Variants in STAG1 observed in about 807,000 individuals in gnomAD.
STAG1 encodes the protein cohesin subunit SA-1.
A neutral mutation model predicts 170.9 loss-of-function variants in STAG1; 26 were observed. The ratio of observed to expected loss-of-function variants is 0.15; its 90% confidence interval spans 0.11 to 0.21. STAG1 has a LOEUF of 0.21. STAG1 is among the 10% of genes least tolerant of loss of function. The pLI is 1.00. For synonymous variants in STAG1, 514 were observed against 497.7 expected (o/e 1.03, Z -0.44); for missense variants, 964 against 1,509.5 (o/e 0.64, Z 5.99).
intron 1 of STAG1, among the ~76,000 whole-genome samples, chr3:136,656,906 G>A (rs529988033): frequency 6.6e-6 from 1 of 151,796 alleles, no homozygotes; most frequent in Non-Finnish European, 1.5e-5. Context: ...CTTTAGTTCA[G>A]CAATTCCTCT....
At chr3:136,486,472 A>G (rs961181038) in intron 9 of STAG1, among the ~76,000 whole-genome samples, 8 of 152,258 alleles carry the variant, frequency 5.3e-5, no homozygotes, top group Non-Finnish European at 1.2e-4. Context: ...ATATATCTAT[A>G]AAACATCCAA....
chr3:136,553,718 G>C (rs1316391148), intron 5 of STAG1, among the ~76,000 whole-genome samples: 1 of 152,260 alleles, frequency 6.6e-6, no homozygotes, highest in Admixed American at 6.5e-5. Flanking sequence ...AGATTGCCGT[G>C]AGCCAAGATC....
intron 28 of STAG1, among the ~76,000 whole-genome samples, chr3:136,350,139 CA>C (rs542153408): frequency 5.5e-4 from 78 of 141,632 alleles, no homozygotes; most frequent in Admixed American, 2.4e-3. Context: ...AGACTCCATT[CA>C]AAAAAAAAAA....
At position 136,382,823 on chromosome 3, in the gene STAG1, A is replaced by G. The variant is rs1054877305; in HGVS notation, c.2278-5071T>C. Among the ~76,000 whole-genome samples, 44 of 152,376 alleles carry G rather than the reference A, an allele frequency of 2.9e-4. 1 individual carries two copies. Among genetic ancestry groups the G allele is most frequent in the African/African-American group, 1.0e-3 (43 of 41,586 alleles). ...AAACTAAATATTATTTGAGTGCTCA[A>G]GAAAGTTAATTTAATTGTAACTATA... is the stretch of plus-strand genomic sequence containing the variant. On this transcript the variant is annotated intron_variant, in intron 22 of 33. Coordinates refer to ENST00000383202, the MANE Select transcript of STAG1 (RefSeq NM_005862.3).
chr3:136,598,501 A>C (rs1938526788), intron 4 of STAG1, among the ~76,000 whole-genome samples: 2 of 149,898 alleles, frequency 1.3e-5, no homozygotes, highest in Non-Finnish European at 2.9e-5. Context: ...ATCTCGGCTC[A>C]CTGCAAGCTC....
intron 1 of STAG1, among the ~76,000 whole-genome samples, chr3:136,689,088 A>C (rs2107895137): frequency 6.6e-6 from 1 of 152,352 alleles, no homozygotes; most frequent in South Asian, 2.1e-4. Context: ...ACTTTACAAA[A>C]CACTATGAAC....
At chr3:136,730,699 G>A (rs755186174) in intron 1 of STAG1, among the ~76,000 whole-genome samples, 2 of 152,216 alleles carry the variant, frequency 1.3e-5, no homozygotes, top group Non-Finnish European at 1.5e-5. Context: ...AAGCTGTCAG[G>A]TAATTCTAAG....
intron 6 of STAG1, among the ~76,000 whole-genome samples, chr3:136,537,567 C>G (rs988170360): frequency 2.1e-5 from 3 of 143,948 alleles, no homozygotes; most frequent in Non-Finnish European, 3.0e-5. Flanking sequence ...GTGGCGTGAT[C>G]TCGGTTCACT....
intron 6 of STAG1, among the ~76,000 whole-genome samples, chr3:136,532,128 T>TA (rs915989633): frequency 2.6e-5 from 4 of 151,104 alleles, no homozygotes; most frequent in Non-Finnish European, 1.5e-5. Context: ...AAGACCCAAA[T>TA]AAAAAAAATT....
intron 32 of STAG1, among the ~76,000 whole-genome samples, chr3:136,338,985 T>C (rs1935826747): frequency 6.6e-6 from 1 of 152,226 alleles, no homozygotes; most frequent in South Asian, 2.1e-4. Context: ...ATGTGCATGA[T>C]GCTGAAGTCC....
rs1322462970 is a variant in STAG1 at position 136,650,017 on chromosome 3, T to G, written c.-83-19036A>C. 4.6e-5 allele frequency among the ~76,000 whole-genome samples: 7 copies of G among 151,868 alleles called. No homozygotes were observed. In the East Asian group the frequency reaches 1.4e-3, roughly 30 times the overall value. On this transcript the variant is annotated intron_variant, in intron 1 of 33. Transcript: ENST00000383202. ...CTCCTGACCTCGTGATCCACCCACCTAGGCCTCCCAAAGTGCTGGGATTAC... is the reference window on the plus strand; with the variant it reads ...CTCCTGACCTCGTGATCCACCCACCGAGGCCTCCCAAAGTGCTGGGATTAC...
intron 28 of STAG1, among the ~76,000 whole-genome samples, chr3:136,352,051 C>G (rs906411969): frequency 6.6e-6 from 1 of 152,024 alleles, no homozygotes; most frequent in African/African-American, 2.4e-5. Flanking sequence ...AGTAACTAAA[C>G]AAATAAATGA....
chr3:136,639,037 T>A (rs1457992375), intron 1 of STAG1, among the ~76,000 whole-genome samples: 1 of 151,858 alleles, frequency 6.6e-6, no homozygotes, highest in African/African-American at 2.4e-5. Flanking sequence ...TTATCCTAAA[T>A]CACCCTGCAC....
intron 9 of STAG1, among the ~76,000 whole-genome samples, chr3:136,478,533 A>C (rs2089822583): frequency 6.6e-6 from 1 of 152,208 alleles, no homozygotes; most frequent in Admixed American, 6.5e-5. Flanking sequence ...CCATTCACAA[A>C]TGTTAAAATT....
chr3:136,502,547 C>T, intron 8 of STAG1, 81 bp downstream of exon 8: 1 of 1,415,876 alleles, frequency 7.1e-7, no homozygotes. Flanking sequence ...AACCTTTTTA[C>T]AGGGAACTTA....
chr3:136,566,321 G>C (rs1172983907), intron 5 of STAG1, among the ~76,000 whole-genome samples: 1 of 152,180 alleles, frequency 6.6e-6, no homozygotes, highest in Non-Finnish European at 1.5e-5. Flanking sequence ...CTAGAAGTTA[G>C]TATTCTGCAA....
intron 1 of STAG1, among the ~76,000 whole-genome samples, chr3:136,683,808 T>A (rs1201668122): frequency 6.6e-6 from 1 of 152,164 alleles, no homozygotes; most frequent in African/African-American, 2.4e-5. Context: ...ACACAAGAGC[T>A]GACCAAAAAA....
intron 2 of STAG1, among the ~76,000 whole-genome samples, chr3:136,627,566 T>G (rs1191726938): frequency 6.6e-6 from 1 of 152,226 alleles, no homozygotes; most frequent in Non-Finnish European, 1.5e-5. Flanking sequence ...TTGTCTCTAG[T>G]TTTGCACTAT....
intron 1 of STAG1, among the ~76,000 whole-genome samples, chr3:136,714,988 ATATTTTATATATAT>A (rs1943495664): frequency 9.1e-6 from 1 of 110,264 alleles, no homozygotes; most frequent in Non-Finnish European, 2.1e-5. Context: ...TTTTATATAT[ATATTTTATATATAT>A]AATATATATA....
Sources: allele counts gnomAD v4.1 joint callset (sites outside exome capture counted in the v4.1 genomes callset), GRCh38; gene constraint gnomAD v4.1.1; transcripts MANE v1.5; gene names NCBI Gene and HGNC (gene_info 2026-07-23, HGNC 2026-07-21).